CDKAL1: variants seen among roughly 807,000 people sequenced by gnomAD.
CDKAL1 encodes threonylcarbamoyladenosine tRNA methylthiotransferase.
Under a neutral mutation model 68.2 loss-of-function variants are expected in CDKAL1, and 32 were observed. The ratio of observed to expected loss-of-function variants is 0.47; its 90% CI spans 0.35 to 0.63. The LOEUF (loss-of-function observed/expected upper bound fraction) is 0.63. Among genes scored for constraint, CDKAL1 ranks in the 30% least tolerant of loss-of-function variants. The pLI, the probability that CDKAL1 is intolerant of heterozygous loss-of-function variation, is 0.00. For synonymous variants in CDKAL1, 234 were observed against 244.3 expected (o/e 0.96, Z 0.39); for missense variants, 606 against 696.7 (o/e 0.87, Z 1.47).
At chr6:20,833,909 C>T (rs757280743) in intron 8 of CDKAL1, among the ~76,000 whole-genome samples, 3 of 152,012 alleles carry the variant, frequency 2.0e-5, no homozygotes, top group South Asian at 2.1e-4. Context: ...CGGCATGGTC[C>T]GGAGACCAGA....
intron 9 of CDKAL1, among the ~76,000 whole-genome samples, chr6:20,878,006 C>T (rs1178070098): frequency 6.6e-6 from 1 of 152,168 alleles, no homozygotes; most frequent in Admixed American, 6.5e-5. Context: ...TTCTTTCGTT[C>T]AGGATGAGCT....
At position 21,177,580 on chromosome 6, in the gene CDKAL1, C is replaced by T. The variant is rs114288356; in HGVS notation, c.1300-20441C>T. Reference sequence around the variant, plus strand: ...AGGTGTTTTAAACAAAACCAGAACACTTGATTTATAAAACAAAAGCTTGAT... The same window carrying T: ...AGGTGTTTTAAACAAAACCAGAACATTTGATTTATAAAACAAAAGCTTGAT... On this transcript the variant is annotated intron_variant, in intron 13 of 15. Transcript: ENST00000274695. 4.9e-3 allele frequency among the ~76,000 whole-genome samples: 743 copies of T among 151,358 alleles called. 6 individuals carry two copies. Among genetic ancestry groups the T allele is most frequent in the African/African-American group, 0.017 (699 of 41,348 alleles).
intron 7 of CDKAL1, among the ~76,000 whole-genome samples, chr6:20,771,965 A>G (rs1476176825): frequency 6.6e-6 from 1 of 152,176 alleles, no homozygotes; most frequent in Non-Finnish European, 1.5e-5. Flanking sequence ...GTATTCCTTT[A>G]TAGCAGTGCA....
chr6:21,080,009 T>C (rs566359034), intron 12 of CDKAL1, among the ~76,000 whole-genome samples: 128 of 151,414 alleles, frequency 8.5e-4, no homozygotes, highest in African/African-American at 2.9e-3. Context: ...TGTGTGTGTG[T>C]TTGAACCATG....
intron 8 of CDKAL1, among the ~76,000 whole-genome samples, chr6:20,841,538 A>G (rs901718657): frequency 6.6e-6 from 1 of 152,204 alleles, no homozygotes; most frequent in Non-Finnish European, 1.5e-5. Flanking sequence ...AAGTATTTTA[A>G]TTTGTGAAAA....
At chr6:21,183,830 G>A (rs990249966) in intron 13 of CDKAL1, among the ~76,000 whole-genome samples, 1 of 152,130 alleles carries the variant, frequency 6.6e-6, no homozygotes, top group African/African-American at 2.4e-5. Flanking sequence ...CAAGACCCAA[G>A]CCACATCATT....
chr6:20,603,447 C>T (rs1408049038), intron 4 of CDKAL1, among the ~76,000 whole-genome samples: 1 of 152,218 alleles, frequency 6.6e-6, no homozygotes, highest in Admixed American at 6.5e-5. Flanking sequence ...GCTCAGACTC[C>T]TTTGATACCA....
At chr6:20,658,601 ATAAATT>A (rs1769137744) in intron 5 of CDKAL1, among the ~76,000 whole-genome samples, 2 of 151,916 alleles carry the variant, frequency 1.3e-5, no homozygotes, top group African/African-American at 4.8e-5. Flanking sequence ...CTTTTTCTTC[ATAAATT>A]GAAGTTGGGG....
chr6:20,868,215 G>C (rs945237503), intron 9 of CDKAL1, among the ~76,000 whole-genome samples: 2 of 152,112 alleles, frequency 1.3e-5, no homozygotes, highest in South Asian at 2.1e-4. Context: ...TGTAGAAAAG[G>C]TACTAAATAT....
At chr6:20,599,205 CATATT>C (rs150260385) in intron 4 of CDKAL1, among the ~76,000 whole-genome samples, 14,286 of 151,850 alleles carry the variant, frequency 0.094, 760 homozygotes, top group African/African-American at 0.12. Context: ...GATATACGTA[CATATT>C]ATAAGTTTTT....
At chr6:21,025,078 A>C (rs141541272) in intron 11 of CDKAL1, among the ~76,000 whole-genome samples, 1 of 152,348 alleles carries the variant, frequency 6.6e-6, no homozygotes, top group African/African-American at 2.4e-5. Flanking sequence ...ATAAGGACAG[A>C]TCCACAGGCT....
chr6:21,119,321 A>G (rs1007550332), intron 13 of CDKAL1, among the ~76,000 whole-genome samples: 1 of 152,248 alleles, frequency 6.6e-6, no homozygotes, highest in Non-Finnish European at 1.5e-5. Context: ...TGATTCTTAT[A>G]GTAAAATCAT....
intron 5 of CDKAL1, among the ~76,000 whole-genome samples, chr6:20,693,120 A>C (rs1254982991): frequency 8.4e-6 from 1 of 119,242 alleles, no homozygotes. Flanking sequence ...ACAAAGCGAG[A>C]CTCTGTCTCA....
intron 13 of CDKAL1, among the ~76,000 whole-genome samples, chr6:21,136,175 G>A (rs934452903): frequency 5.3e-5 from 8 of 152,162 alleles, no homozygotes; most frequent in African/African-American, 1.7e-4. Context: ...GTGAAGTTAG[G>A]TGTCCTCTGT....
rs907835989 is a variant in CDKAL1, at chr6:20,967,134, A to T, written c.909+11549A>T. On this transcript the variant is annotated intron_variant, in intron 10 of 15. Coordinates refer to ENST00000274695, the MANE Select transcript of CDKAL1 (RefSeq NM_017774.3). The stretch of plus-strand genomic sequence containing the variant: ...TTCTTTCCTCTGCCTCTGTTTCCAG[A>T]TGTCCTCATCTTATACACCAGTCAT... Among the ~76,000 whole-genome samples, 3 of 152,118 alleles carry T rather than the reference A, an allele frequency of 2.0e-5. No individual in the cohort carries two copies. The East Asian group carries it at 5.8e-4, about 29-fold the overall frequency.
At chr6:21,172,873 A>C (rs1420119572) in intron 13 of CDKAL1, among the ~76,000 whole-genome samples, 2 of 152,200 alleles carry the variant, frequency 1.3e-5, no homozygotes, top group Non-Finnish European at 2.9e-5. Flanking sequence ...AAAATTTTTG[A>C]ATCAATTTTT....
intron 7 of CDKAL1, among the ~76,000 whole-genome samples, chr6:20,769,004 A>G (rs147713080): frequency 7.2e-5 from 11 of 152,178 alleles, no homozygotes; most frequent in Non-Finnish European, 1.6e-4. Context: ...CCCCTGTTCT[A>G]GACAGGTAAG....
chr6:20,627,651 G>A (rs535856995), intron 4 of CDKAL1, among the ~76,000 whole-genome samples: 21 of 152,128 alleles, frequency 1.4e-4, no homozygotes, highest in African/African-American at 3.4e-4. Flanking sequence ...TAGGAATTAC[G>A]TTAAAGTTAT....
At chr6:20,830,671 T>C (rs1433604696) in intron 8 of CDKAL1, among the ~76,000 whole-genome samples, 3 of 152,018 alleles carry the variant, frequency 2.0e-5, no homozygotes, top group Non-Finnish European at 2.9e-5. Flanking sequence ...TCCCCTCCCC[T>C]GTGCCCCTAC....
Sources: gnomAD v4.1 joint callset for allele counts (sites outside exome capture counted in the v4.1 genomes callset) on GRCh38, gnomAD v4.1.1 for gene constraint, MANE v1.5 for transcripts, NCBI Gene and HGNC (gene_info 2026-07-23, HGNC 2026-07-21) for gene names.